The following MISP variants were observed in gnomAD, a reference collection of about 807,000 sequenced individuals.
The protein encoded by MISP is mitotic spindle positioning, also known as mitotic interactor and substrate of PLK1.
Under a neutral mutation model 49.3 loss-of-function variants are expected in MISP, and 51 were observed. That is an observed-to-expected ratio of 1.03 (90% CI 0.83 to 1.31). The LOEUF (loss-of-function observed/expected upper bound fraction) is 1.31. Ranked by LOEUF, MISP falls within the 50% of genes most tolerant of loss-of-function variation. The pLI is 0.00. For synonymous variants in MISP, 444 were observed against 392.6 expected, an observed-to-expected ratio of 1.13 and a Z score of -1.55; for missense variants, 1,084 against 935.1, an observed-to-expected ratio of 1.16 and a Z score of -2.08.
At chr19:749,289 G>C (rs2033423109), upstream of MISP, among the ~76,000 whole-genome samples, 1 of 152,230 alleles carries the variant, frequency 6.6e-6, no homozygotes, top group Non-Finnish European at 1.5e-5. Context: ...GAGTGTGGTG[G>C]AGAGCACTGC....
At chr19:751,950 G>A (rs2033465987) in intron 1 of MISP, among the ~76,000 whole-genome samples, 1 of 152,204 alleles carries the variant, frequency 6.6e-6, no homozygotes, top group Admixed American at 6.5e-5. Context: ...GGAAGGAGGT[G>A]TGGCACCAGG....
chr19:751,475 G>T (rs984028906), intron 1 of MISP, among the ~76,000 whole-genome samples: 3 of 152,206 alleles, frequency 2.0e-5, no homozygotes, highest in Non-Finnish European at 4.4e-5. Context: ...CCAAGGGAGG[G>T]GCCGGGTTGG....
chr19:757,238 G>T lies in MISP; in HGVS notation c.292G>T (p.Gly98Cys), dbSNP rs1568241926. 1 of 1,613,872 alleles carries T rather than the reference G, an allele frequency of 6.2e-7. No individual in the cohort carries two copies. The highest frequency in any genetic ancestry group is 8.5e-7 in the Non-Finnish European group (1 of 1,179,986). The change falls in exon 2 of 5, where the codon GGC (glycine) becomes TGC (cysteine). Residue 98 changes from glycine (G) to cysteine (C), a missense_variant. Gly to Cys is a radical substitution (Grantham distance 159). Transcript: ENST00000215582. ...TGAGGGTTGGCAGGTTTACCGCCTG[G>T]GCGCCAGGGATGCCCACCAGGGACG... ...EDEGWQVYRL[G>C]ARDAHQGRPT...
chr19:762,227 C>T (rs528341660), intron 4 of MISP, among the ~76,000 whole-genome samples: 1 of 149,766 alleles, frequency 6.7e-6, no homozygotes, highest in Non-Finnish European at 1.5e-5. Flanking sequence ...GCTGGGATTA[C>T]AGGCGCGAGC....
At position 757,242 on chromosome 19, in the gene MISP, C is replaced by T. The variant is rs756744812; in HGVS notation, c.296C>T (p.Ala99Val). The T allele has an allele frequency of 4.3e-6, 7 of 1,613,830 alleles. No homozygotes were observed. In the South Asian group the frequency reaches 7.7e-5, roughly 18 times the overall value. Residue 99 changes from alanine (A) to valine (V), a missense_variant, in exon 2 of 5, where the codon GCC (alanine) becomes GTC (valine). Coordinates refer to ENST00000215582, the MANE Select transcript of MISP (RefSeq NM_173481.4). ...GGTTGGCAGGTTTACCGCCTGGGCG[C>T]CAGGGATGCCCACCAGGGACGTCCA... Reference protein sequence around the residue: ...DEGWQVYRLGARDAHQGRPTW... With the variant: ...DEGWQVYRLGVRDAHQGRPTW...
intron 1 of MISP, among the ~76,000 whole-genome samples, chr19:753,389 C>T (rs865819895): frequency 0.017 from 2,367 of 137,886 alleles, 76 homozygotes; most frequent in African/African-American, 0.059. Flanking sequence ...TTCTTTTTTT[C>T]TTTTTTTTTT....
chr19:751,327 C>T (rs946606420), intron 1 of MISP, among the ~76,000 whole-genome samples, 156 bp downstream of exon 1: 2 of 152,174 alleles, frequency 1.3e-5, no homozygotes, highest in Admixed American at 6.5e-5. Context: ...ACCCCGTCAC[C>T]CTCGGAGCCT....
intron 1 of MISP, among the ~76,000 whole-genome samples, chr19:753,286 G>A (rs935623751): frequency 2.0e-5 from 3 of 152,122 alleles, no homozygotes; most frequent in East Asian, 1.9e-4. Flanking sequence ...GACACATTGC[G>A]TGTAGTTTCA....
Position 761,633 on chromosome 19 carries a change from C to T in MISP, c.1920C>T (p.Gly640=). The stretch of plus-strand genomic sequence containing the variant: ...GTGTTCCTTTCCTGTAGTACGCTGG[C>T]ATCAACCCCTCGGACGGTATCAACT... ...GQRKKEQWYA[G]INPSDGINSE... is the part of the protein sequence containing the mutation. The change falls in exon 4 of 5, where the codon GGC becomes GGT. Residue 640 remains glycine, a synonymous_variant. Coordinates refer to ENST00000215582, the MANE Select transcript of MISP (RefSeq NM_173481.4). The T allele has an allele frequency of 6.2e-7, 1 of 1,614,118 alleles. No homozygotes were observed. Among genetic ancestry groups the T allele is most frequent in the Non-Finnish European group, 8.5e-7 (1 of 1,180,014 alleles).
chr19:757,580 C>T lies in MISP; in HGVS notation c.634C>T (p.His212Tyr). Residue 212 changes from histidine to tyrosine, a missense_variant, in exon 2 of 5, where the codon CAT becomes TAT. His to Tyr is a moderately conservative substitution (Grantham distance 83). Coordinates refer to ENST00000215582, the MANE Select transcript of MISP (RefSeq NM_173481.4). ...GGAGCAGGCGAACAAGGGGGCCCCT[C>T]ATAGCTCCCCGGCCAGGGGGACCCC... ...SLEQANKGAP[H>Y]SSPARGTPAG... 1 of 1,612,808 alleles carries T rather than the reference C, an allele frequency of 6.2e-7. No homozygotes were observed. The highest frequency in any genetic ancestry group is 1.3e-5 in the African/African-American group (1 of 75,040).
chr19:757,864 C>T lies in MISP; in HGVS notation c.918C>T (p.Asp306=). ...GTCTGGCTCAGGAGCGTGAGGCAGA[C>T]CTGCGAGAGCAGAGGGGGCTTCGGC... The part of the protein sequence containing the change: ...EIRLAQEREA[D]LREQRGLRQA... The change falls in exon 2 of 5, where the codon GAC becomes GAT. Residue 306 remains aspartate (D), a synonymous_variant. Transcript: ENST00000215582. 4 of 1,610,270 alleles carry T rather than the reference C, an allele frequency of 2.5e-6. No homozygotes were observed. Among genetic ancestry groups the T allele is most frequent in the Non-Finnish European group, 1.7e-6 (2 of 1,179,724 alleles).
intron 1 of MISP, among the ~76,000 whole-genome samples, chr19:756,251 T>C (rs1346528474): frequency 6.6e-6 from 1 of 152,180 alleles, no homozygotes; most frequent in Non-Finnish European, 1.5e-5. Context: ...TCCCATCTTC[T>C]GCATTAATTG....
upstream of MISP, among the ~76,000 whole-genome samples, chr19:749,548 T>C (rs1196024157): frequency 6.6e-6 from 1 of 152,200 alleles, no homozygotes; most frequent in East Asian, 1.9e-4. Flanking sequence ...ACCCCCATCT[T>C]GGCCAGGCGC....
At chr19:750,533 G>C (rs1042484092), upstream of MISP, among the ~76,000 whole-genome samples, 4 of 152,074 alleles carry the variant, frequency 2.6e-5, no homozygotes, top group Admixed American at 6.6e-5. Context: ...ATGGGGCCTA[G>C]GGAATTCCTC....
At chr19:762,802 G>A (rs937376752) in intron 4 of MISP, among the ~76,000 whole-genome samples, 1 of 152,088 alleles carries the variant, frequency 6.6e-6, no homozygotes, top group Non-Finnish European at 1.5e-5. Flanking sequence ...ACATAGGAAT[G>A]TGCCACTGCA....
At chr19:750,362 G>A (rs943743928), upstream of MISP, among the ~76,000 whole-genome samples, 3 of 151,780 alleles carry the variant, frequency 2.0e-5, no homozygotes, top group Admixed American at 6.6e-5. Flanking sequence ...ACCATACCCC[G>A]CTAAATTTTG....
upstream of MISP, among the ~76,000 whole-genome samples, chr19:749,482 A>G (rs2033426224): frequency 7.1e-6 from 1 of 140,726 alleles, no homozygotes; most frequent in Admixed American, 6.9e-5. Context: ...CACACCCAGC[A>G]GCGTTAGGTG....
At position 757,858 on chromosome 19, in the gene MISP, G is replaced by A. The variant is rs778919064; in HGVS notation, c.912G>A (p.Glu304=). 15 of 1,610,962 alleles carry A rather than the reference G, an allele frequency of 9.3e-6. No individual in the cohort carries two copies. The highest frequency in any genetic ancestry group is 4.5e-5 in the East Asian group (2 of 44,874). Residue 304 remains glutamate (E), a synonymous_variant, in exon 2 of 5, where the codon GAG becomes GAA. Transcript: ENST00000215582. Reference sequence around the variant, plus strand: ...AGATCCGTCTGGCTCAGGAGCGTGAGGCAGACCTGCGAGAGCAGAGGGGGC... The same window carrying A: ...AGATCCGTCTGGCTCAGGAGCGTGAAGCAGACCTGCGAGAGCAGAGGGGGC... ...EREIRLAQER[E]ADLREQRGLR...
Position 763,819 on chromosome 19 carries a change from G to A in MISP, c.*229G>A. Reference sequence around the variant, plus strand: ...TGCCTTTGGGGTCTAAAGCTTTTGGGGATGAAATGGGACCCCTGCTGATTC... The same window carrying A: ...TGCCTTTGGGGTCTAAAGCTTTTGGAGATGAAATGGGACCCCTGCTGATTC... On this transcript the variant is annotated 3_prime_UTR_variant, in exon 5 of 5. Coordinates refer to ENST00000215582, the MANE Select transcript of MISP (RefSeq NM_173481.4). 1 of 528,792 alleles carries A rather than the reference G, an allele frequency of 1.9e-6. No homozygotes were observed. The highest frequency in any genetic ancestry group is 2.5e-5 in the South Asian group (1 of 40,732). 32.8% of individuals were successfully genotyped at this position (528,792 alleles called of 1,614,324 possible).
Sources: gnomAD v4.1 joint callset for allele counts (sites outside exome capture counted in the v4.1 genomes callset) on GRCh38, gnomAD v4.1.1 for gene constraint, MANE v1.5 for transcripts, NCBI Gene and HGNC (gene_info 2026-07-23, HGNC 2026-07-21) for gene names.